Variants in CELSR1 observed in about 807,000 individuals in gnomAD.
CELSR1 encodes the protein adhesion G protein-coupled receptor C1.
A neutral mutation model predicts 249.1 loss-of-function variants in CELSR1; 110 were observed. That is an observed-to-expected ratio of 0.44 (90% CI 0.38 to 0.52). The LOEUF (loss-of-function observed/expected upper bound fraction) is 0.52. Ranked by LOEUF, CELSR1 falls within the 20% of genes least tolerant of loss-of-function variation. The probability of loss-of-function intolerance (pLI) is 0.00; values close to 1 mark genes in which losing one functional copy is unlikely to be tolerated. For missense variants in CELSR1, 4,109 were observed against 4,296.4 expected, an observed-to-expected ratio of 0.96 and a Z score of 1.22; for synonymous variants, 2,113 against 1,900.0, an observed-to-expected ratio of 1.11 and a Z score of -2.92.
At position 46,488,951 on chromosome 22, in the gene CELSR1, G is replaced by A. The variant is rs987323334; in HGVS notation, c.3545-24606C>T. Among the ~76,000 whole-genome samples the A allele has an allele frequency of 6.6e-6, 1 of 151,054 alleles. No individual in the cohort carries two copies. The highest frequency in any genetic ancestry group is 1.5e-5 in the Non-Finnish European group (1 of 67,808). On this transcript the variant is annotated intron_variant, in intron 1 of 34. Transcript: ENST00000674500. The surrounding 1 kb of genome is among the most constrained non-coding windows in gnomAD (Gnocchi z 4.7). ...TGGGATTACAGGCGGAAGCCACCAC[G>A]CCCAGCCCAGCCCTGCCCTTTTGAG...
Position 46,535,932 on chromosome 22 carries a change from C to A in CELSR1, c.1239G>T (p.Ala413=), listed in dbSNP as rs1211344092. ...CGGCCGCCTCCTCCCGGTCCAGCAC[C>A]GCCCGTGTGCTCACCACGCCAGAGC... ...NESSGVVSTR[A]VLDREEAAEY... The change falls in exon 1 of 35, where the codon GCG becomes GCT. Residue 413 remains alanine, a synonymous_variant. Transcript: ENST00000674500. 2.5e-6 allele frequency: 4 copies of A among 1,609,632 alleles called. No homozygotes were observed. The African/African-American group carries it at 5.3e-5, about 21-fold the overall frequency.
intron 5 of CELSR1, among the ~76,000 whole-genome samples, chr22:46,421,475 GA>G (rs1569151560): frequency 6.6e-6 from 1 of 152,170 alleles, no homozygotes; most frequent in Non-Finnish European, 1.5e-5. Context: ...GCTTGCCTCC[GA>G]GAATCACCAC....
At chr22:46,372,234 A>G (rs941969054) in intron 25 of CELSR1, among the ~76,000 whole-genome samples, 4 of 135,950 alleles carry the variant, frequency 2.9e-5, no homozygotes, top group African/African-American at 1.1e-4. Flanking sequence ...CCATCCATGC[A>G]TCCACTCACT....
At chr22:46,487,118 C>T (rs1291895870) in intron 1 of CELSR1, among the ~76,000 whole-genome samples, 3 of 151,774 alleles carry the variant, frequency 2.0e-5, no homozygotes, top group Non-Finnish European at 4.4e-5. Context: ...TCCCATGGCA[C>T]CTTTGGCTCA....
Position 46,464,468 on chromosome 22 carries a change from C to A in CELSR1, c.3545-123G>T. On this transcript the variant is annotated intron_variant, in intron 1 of 34. Transcript: ENST00000674500. The surrounding 1 kb of genome is among the most constrained non-coding windows in gnomAD (Gnocchi z 8.5). ...GGAGAAGAGAGCCTGGGCATCCCCA[C>A]TCCCCATTCCCCACCCATGACCACC... The A allele has an allele frequency of 1.0e-6, 1 of 989,226 alleles. No homozygotes were observed. The highest frequency in any genetic ancestry group is 2.6e-5 in the Admixed American group (1 of 38,022). The allele number at this position is 989,226 out of a possible 1,614,324, so 61.3% of individuals were successfully genotyped here.
chr22:46,391,491 G>C lies in CELSR1; in HGVS notation c.6148+142C>G. The C allele has an allele frequency of 9.3e-7, 1 of 1,079,954 alleles. No individual in the cohort carries two copies. Among genetic ancestry groups the C allele is most frequent in the South Asian group, 1.7e-5 (1 of 60,108 alleles). 66.9% of individuals were successfully genotyped at this position (1,079,954 alleles called of 1,614,324 possible). ...CCCACACCCCCTCACGCAGAACCAGGTTTCTAGAAGGTCAAGAGAACTCAG... is the reference window on the plus strand; with the variant it reads ...CCCACACCCCCTCACGCAGAACCAGCTTTCTAGAAGGTCAAGAGAACTCAG... On this transcript the variant is annotated intron_variant, in intron 15 of 34. Coordinates refer to ENST00000674500, the MANE Select transcript of CELSR1 (RefSeq NM_001378328.1). This position sits in a 1 kb window ranked among gnomAD's most constrained non-coding sequence, Gnocchi z 4.3.
At chr22:46,515,264 C>A (rs1047566607) in intron 1 of CELSR1, among the ~76,000 whole-genome samples, 13 of 152,242 alleles carry the variant, frequency 8.5e-5, no homozygotes, top group African/African-American at 3.1e-4. Context: ...TGACCCCCAC[C>A]TGGGCCCTCC....
At chr22:46,365,440 G>A in intron 31 of CELSR1, 60 bp from the exon 32 acceptor site, 3 of 1,593,290 alleles carry the variant, frequency 1.9e-6, no homozygotes, top group Non-Finnish European at 2.6e-6. Context: ...GTCCCACCGA[G>A]GGCCAAGCAG....
intron 2 of CELSR1, among the ~76,000 whole-genome samples, chr22:46,455,749 C>T (rs747407788): frequency 1.5e-4 from 23 of 152,170 alleles, no homozygotes; most frequent in Admixed American, 3.9e-4. Flanking sequence ...CTGCACACGC[C>T]GCACAGGACG....
At position 46,367,086 on chromosome 22, in the gene CELSR1, G is replaced by A; in HGVS notation, c.8112C>T (p.Leu2704=). The change falls in exon 29 of 35, where the codon CTC becomes CTT. Residue 2704 remains leucine, a synonymous_variant. Transcript: ENST00000674500. ...GPFVLLFHCV[L]NQEVRKHLKG... ...TCAGGTGCTTCCGGACCTCCTGGTT[G>A]AGCACGCAGTGGAAAAGGAGGACGA... 1.2e-6 allele frequency: 2 copies of A among 1,611,640 alleles called. No individual in the cohort carries two copies. Among genetic ancestry groups the A allele is most frequent in the Non-Finnish European group, 1.7e-6 (2 of 1,179,724 alleles).
rs796052178 is a variant in CELSR1, at chr22:46,533,765, C to A, written c.3406G>T (p.Asp1136Tyr). 2 of 1,613,456 alleles carry A rather than the reference C, an allele frequency of 1.2e-6. No individual in the cohort carries two copies. The highest frequency in any genetic ancestry group is 1.7e-6 in the Non-Finnish European group (2 of 1,180,038). ...CIPAHDPDVSDSLNYTFVQGN... is the reference protein window; with the variant it reads ...CIPAHDPDVSYSLNYTFVQGN... ...TGCACGAAGGTGTAGTTGAGGCTGT[C>A]TGACACGTCGGGGTCATGGGCCGGG... Residue 1136 changes from aspartate to tyrosine, a missense_variant, in exon 1 of 35, where the codon GAC becomes TAC. This residue lies in a region of CELSR1 where 886 missense variants were observed against 896.5 expected (regional missense o/e 0.99). Coordinates refer to ENST00000674500, the MANE Select transcript of CELSR1 (RefSeq NM_001378328.1).
chr22:46,439,089 G>A (rs571475405), intron 3 of CELSR1, 100 bp downstream of exon 3: 112 of 1,154,050 alleles, frequency 9.7e-5, no homozygotes, highest in Non-Finnish European at 1.2e-4. Flanking sequence ...GGCCACACAC[G>A]GAGGACATCA....
chr22:46,409,364 G>A lies in CELSR1; in HGVS notation c.5060-202C>T, dbSNP rs938103073. Among the ~76,000 whole-genome samples the A allele has an allele frequency of 1.3e-5, 2 of 152,200 alleles. No individual in the cohort carries two copies. The highest frequency in any genetic ancestry group is 2.9e-5 in the Non-Finnish European group (2 of 68,034). On this transcript the variant is annotated intron_variant, in intron 8 of 34. Transcript: ENST00000674500. This position sits in a 1 kb window ranked among gnomAD's most constrained non-coding sequence, Gnocchi z 9.8. ...GCTCCAGAGAAGCGCACCCTGGGAC[G>A]TGAGCCTCCTTGCTGGGAAGCATGA...
Position 46,470,612 on chromosome 22 carries a change from C to T in CELSR1, c.3545-6267G>A, listed in dbSNP as rs116254127. On this transcript the variant is annotated intron_variant, in intron 1 of 34. Transcript: ENST00000674500. ...CTAACATCAATCTCCTTCGAGACCA[C>T]GGGCCACGGTGAAATTACTTTTTAC... Among the ~76,000 whole-genome samples, 608 of 152,252 alleles carry T rather than the reference C, an allele frequency of 4.0e-3. 4 individuals are homozygous for T. The highest frequency in any genetic ancestry group is 0.014 in the African/African-American group (576 of 41,538).
intron 1 of CELSR1, among the ~76,000 whole-genome samples, chr22:46,470,541 A>C (rs547664858): frequency 4.0e-4 from 61 of 152,226 alleles, no homozygotes; most frequent in South Asian, 3.9e-3. Context: ...AATATTAACG[A>C]CTGTGAAGTG....
chr22:46,379,231 C>T (rs949123026), intron 22 of CELSR1, among the ~76,000 whole-genome samples: 7 of 152,168 alleles, frequency 4.6e-5, no homozygotes, highest in African/African-American at 1.7e-4. Flanking sequence ...ATGGGAACTG[C>T]CCAGAAGCCA....
intron 1 of CELSR1, among the ~76,000 whole-genome samples, chr22:46,510,487 A>G (rs1357788275): frequency 6.6e-6 from 1 of 152,212 alleles, no homozygotes; most frequent in Non-Finnish European, 1.5e-5. Flanking sequence ...GGGCCCCATG[A>G]GGTGCCCCCT....
In CELSR1 at chr22:46,437,418, G is replaced by A. The variant is rs1172381469; in HGVS notation, c.4407-1129C>T. On this transcript the variant is annotated intron_variant, in intron 3 of 34. Transcript: ENST00000674500. This position sits in a 1 kb window ranked among gnomAD's most constrained non-coding sequence, Gnocchi z 4.9. Reference sequence around the variant, plus strand: ...ATTTTCCTGCAGCAGGAGTCGGCCCGAGCCAGCCTCGAGCATCTGACCTCA... The same window carrying A: ...ATTTTCCTGCAGCAGGAGTCGGCCCAAGCCAGCCTCGAGCATCTGACCTCA... Among the ~76,000 whole-genome samples, 2 of 152,136 alleles carry A rather than the reference G, an allele frequency of 1.3e-5. No homozygotes were observed. The highest frequency in any genetic ancestry group is 6.6e-5 in the Admixed American group (1 of 15,264).
At chr22:46,450,434 G>A (rs2079870419) in intron 2 of CELSR1, among the ~76,000 whole-genome samples, 2 of 152,264 alleles carry the variant, frequency 1.3e-5, no homozygotes, top group South Asian at 2.1e-4. Context: ...GAGAACATGA[G>A]CACTTTCACA....
Sources: allele counts gnomAD v4.1 joint callset (sites outside exome capture counted in the v4.1 genomes callset), GRCh38; gene constraint gnomAD v4.1.1; regional missense constraint gnomAD v4.1.1; non-coding constraint Gnocchi (gnomAD v3.1); transcripts MANE v1.5; gene names NCBI Gene and HGNC (gene_info 2026-07-23, HGNC 2026-07-21).